CERT1: variants seen among roughly 807,000 people sequenced by gnomAD.
CERT1 encodes ceramide transfer protein.
In CERT1, 31 loss-of-function variants were observed where a neutral mutation model predicts 87.9. The observed-to-expected ratio is 0.35, with a 90% CI of 0.27 to 0.48. The LOEUF (loss-of-function observed/expected upper bound fraction) is 0.48. Ranked by LOEUF, CERT1 falls within the 20% of genes least tolerant of loss-of-function variation. The pLI is 0.99. For synonymous variants in CERT1, 289 were observed against 250.9 expected, an observed-to-expected ratio of 1.15 and a Z score of -1.44; for missense variants, 487 against 758.0, an observed-to-expected ratio of 0.64 and a Z score of 4.20.
intron 11 of CERT1, among the ~76,000 whole-genome samples, chr5:75,395,660 G>A (rs193198565): frequency 2.6e-5 from 4 of 151,316 alleles, no homozygotes; most frequent in East Asian, 3.9e-4. Context: ...TCAGGAGTTC[G>A]AGACCAGCCT....
At chr5:75,458,615 A>C (rs1401705151) in intron 3 of CERT1, among the ~76,000 whole-genome samples, 1 of 151,694 alleles carries the variant, frequency 6.6e-6, no homozygotes, top group Non-Finnish European at 1.5e-5. Flanking sequence ...GCAGTAGCCC[A>C]ATCTTGGCTT....
At chr5:75,381,856 T>C in intron 15 of CERT1, 93 bp downstream of exon 15, 1 of 1,115,918 alleles carries the variant, frequency 9.0e-7, no homozygotes, top group Non-Finnish European at 1.3e-6. Context: ...TCAAATCAAG[T>C]ATAGTGTATG....
At chr5:75,435,904 G>A (rs1034426864) in intron 3 of CERT1, among the ~76,000 whole-genome samples, 2 of 152,162 alleles carry the variant, frequency 1.3e-5, no homozygotes, top group African/African-American at 2.4e-5. Context: ...GCACAGGTGG[G>A]GCAGTGGGGG....
chr5:75,394,476 G>C (rs374248011), intron 11 of CERT1, among the ~76,000 whole-genome samples: 104 of 152,278 alleles, frequency 6.8e-4, no homozygotes, highest in African/African-American at 2.4e-3. Flanking sequence ...ATTCTAGCCT[G>C]GAAGACAGAA....
intron 8 of CERT1, among the ~76,000 whole-genome samples, chr5:75,404,068 A>G (rs1276436347): frequency 6.6e-6 from 1 of 152,154 alleles, no homozygotes; most frequent in African/African-American, 2.4e-5. Context: ...AGACACATGA[A>G]CAATTGGTGA....
At chr5:75,459,579 G>C (rs1206182895) in intron 2 of CERT1, among the ~76,000 whole-genome samples, 2 of 152,118 alleles carry the variant, frequency 1.3e-5, no homozygotes, top group East Asian at 3.8e-4. Context: ...CTCCAGCCTT[G>C]AACTCCTGGG....
chr5:75,397,639 C>G (rs944760520), intron 11 of CERT1, among the ~76,000 whole-genome samples: 1 of 152,138 alleles, frequency 6.6e-6, no homozygotes, highest in African/African-American at 2.4e-5. Flanking sequence ...GATTTTAATG[C>G]AATGTGGAGC....
chr5:75,419,505 T>C lies in CERT1; in HGVS notation c.596-81A>G, dbSNP rs539942586. The stretch of plus-strand genomic sequence containing the variant: ...ATTCTTATGTTCAACTGAGTCATTT[T>C]ACTCTGGATTCTGATTCTGAGTATG... On this transcript the variant is annotated intron_variant, in intron 5 of 16. Coordinates refer to ENST00000643780, the MANE Select transcript of CERT1 (RefSeq NM_001379029.1). The C allele has an allele frequency of 1.9e-4, 172 of 915,826 alleles. 1 individual carries two copies. The highest frequency in any genetic ancestry group is 4.7e-4 in the African/African-American group (28 of 59,776). The allele number at this position is 915,826 out of a possible 1,614,324, so 56.7% of individuals were successfully genotyped here. A position where few individuals can be genotyped will look rare whatever the true frequency, so the allele number is the denominator to read the frequency against.
intron 3 of CERT1, among the ~76,000 whole-genome samples, chr5:75,444,830 C>A (rs1764472977): frequency 6.6e-6 from 1 of 152,154 alleles, no homozygotes; most frequent in Admixed American, 6.5e-5. Context: ...CAGGCATGAG[C>A]CACTGCACCC....
intron 4 of CERT1, 66 bp downstream of exon 4, chr5:75,426,305 G>A (rs947782366): frequency 3.9e-5 from 44 of 1,127,376 alleles, no homozygotes; most frequent in Non-Finnish European, 4.7e-5. Context: ...CATATGTTCT[G>A]TTCACAACAT....
chr5:75,443,912 C>G (rs1434386162), intron 3 of CERT1, among the ~76,000 whole-genome samples: 1 of 152,164 alleles, frequency 6.6e-6, no homozygotes, highest in Admixed American at 6.5e-5. Context: ...TCTCTTAAAA[C>G]CTTCTCTAAC....
intron 11 of CERT1, among the ~76,000 whole-genome samples, chr5:75,393,843 T>C (rs1045461874): frequency 6.6e-6 from 1 of 151,764 alleles, no homozygotes; most frequent in African/African-American, 2.4e-5. Flanking sequence ...TGCATGCCTG[T>C]AGTCCCAGAT....
chr5:75,491,077 G>C (rs1766771411), intron 2 of CERT1, among the ~76,000 whole-genome samples: 1 of 152,068 alleles, frequency 6.6e-6, no homozygotes, highest in Admixed American at 6.5e-5. Context: ...ATTTTCCTTA[G>C]TTGATTTGTA....
Position 75,385,982 on chromosome 5 carries a change from GC to G in CERT1, c.1336del (p.Ala446LeufsTer30). ...ENGIVLDPLK[A>X]THAVKGVTGH... Reference sequence around the variant, plus strand: ...TGTGACGCCTTTAACTGCATGGGTAGCTTTTAAAGGATCCAGAACAATCCCA... The same window carrying G: ...TGTGACGCCTTTAACTGCATGGGTAGTTTTAAAGGATCCAGAACAATCCCA... On this transcript the variant is annotated frameshift_variant, in exon 13 of 17. Coordinates refer to ENST00000643780, the MANE Select transcript of CERT1 (RefSeq NM_001379029.1). LOFTEE classifies it high-confidence loss of function. 1 of 1,596,964 alleles carries G rather than the reference GC, an allele frequency of 6.3e-7. No homozygotes were observed. Among genetic ancestry groups the G allele is most frequent in the Non-Finnish European group, 8.5e-7 (1 of 1,171,314 alleles).
In CERT1 at chr5:75,399,380, C is replaced by G; in HGVS notation, c.1118G>C (p.Ser373Thr). 1 of 1,612,804 alleles carries G rather than the reference C, an allele frequency of 6.2e-7. No individual in the cohort carries two copies. Among genetic ancestry groups the G allele is most frequent in the Non-Finnish European group, 8.5e-7 (1 of 1,178,948 alleles). The change falls in exon 11 of 17, where the codon AGT (serine) becomes ACT (threonine). Residue 373 changes from serine to threonine, a missense_variant. By Grantham distance (58) the Ser-to-Thr change is moderately conservative. Coordinates refer to ENST00000643780, the MANE Select transcript of CERT1 (RefSeq NM_001379029.1). ...GTHRFVQKPY[S>T]RSSSMSSIDL... The stretch of plus-strand genomic sequence containing the variant: ...AATGGAAGACATGGAGGAAGAGCGA[C>G]TATAGGGCTACCAGAGACAGACAAA...
chr5:75,422,276 A>C (rs776094022), intron 5 of CERT1, among the ~76,000 whole-genome samples: 6 of 152,060 alleles, frequency 3.9e-5, no homozygotes, highest in African/African-American at 2.4e-5. Context: ...TCTTCCTCTC[A>C]AACTACCCCT....
At position 75,504,751 on chromosome 5, in the gene CERT1, C is replaced by CTT. The variant is rs558482615; in HGVS notation, c.231+1229_231+1230dup. Among the ~76,000 whole-genome samples, 15 of 131,578 alleles carry CTT rather than the reference C, an allele frequency of 1.1e-4. No homozygotes were observed. The East Asian group carries it at 2.2e-3, about 19-fold the overall frequency. The allele number at this position is 131,578 out of a possible 152,430, so 86.3% of individuals were successfully genotyped here. A position where few individuals can be genotyped will look rare whatever the true frequency, so the allele number is the denominator to read the frequency against. On this transcript the variant is annotated intron_variant, in intron 2 of 16. Coordinates refer to ENST00000643780, the MANE Select transcript of CERT1 (RefSeq NM_001379029.1). ...TTTAACTGTCTGGCCTTAGCCAACA[C>CTT]TTTTTTTTTTTTTTTTTTGGCCCAT...
downstream of CERT1, chr5:75,375,611 AAATAAATAAATAAATAAATAAAAT>A (rs910536025): frequency 2.8e-5 from 4 of 144,748 alleles, no homozygotes; most frequent in African/African-American, 7.7e-5. Flanking sequence ...ATAAATAAAT[AAATAAATAAATAAATAAATAAAAT>A]AAATAAAAAT....
intron 4 of CERT1, 58 bp downstream of exon 4, chr5:75,426,313 C>T: frequency 8.4e-7 from 1 of 1,195,682 alleles, no homozygotes; most frequent in Non-Finnish European, 1.2e-6. Flanking sequence ...CTGTTCACAA[C>T]ATCCAATACT....
Sources: allele counts gnomAD v4.1 joint callset (sites outside exome capture counted in the v4.1 genomes callset), GRCh38; gene constraint gnomAD v4.1.1; transcripts MANE v1.5; gene names NCBI Gene and HGNC (gene_info 2026-07-23, HGNC 2026-07-21).